The following CFAP61 variants were observed in gnomAD, a reference collection of about 807,000 sequenced individuals.
CFAP61 encodes the protein cilia and flagella associated protein 61, also known as cilia- and flagella-associated protein 61.
In CFAP61, 107 loss-of-function variants were observed where a neutral mutation model predicts 135.6. The ratio of observed to expected loss-of-function variants is 0.79; its 90% CI spans 0.67 to 0.93. CFAP61 has a LOEUF of 0.93. Among genes scored for constraint, CFAP61 ranks in the 40% least tolerant of loss-of-function variants. CFAP61 has a pLI of 0.00. For missense variants in CFAP61, 1,507 were observed against 1,556.2 expected (o/e 0.97, Z 0.53); for synonymous variants, 575 against 578.5 (o/e 0.99, Z 0.09).
At chr20:20,103,979 GT>G (rs1185095601) in intron 8 of CFAP61, among the ~76,000 whole-genome samples, 1 of 152,194 alleles carries the variant, frequency 6.6e-6, no homozygotes, top group African/African-American at 2.4e-5. Flanking sequence ...ATGAATCTCT[GT>G]TTTAAAAGAC....
Position 20,087,806 on chromosome 20 carries a change from C to T in CFAP61, c.567-3038C>T, listed in dbSNP as rs539862944. 7.2e-5 allele frequency among the ~76,000 whole-genome samples: 11 copies of T among 152,140 alleles called. No individual in the cohort carries two copies. In the South Asian group the frequency reaches 2.3e-3, roughly 32 times the overall value. On this transcript the variant is annotated intron_variant, in intron 6 of 26. Coordinates refer to ENST00000245957, the MANE Select transcript of CFAP61 (RefSeq NM_015585.4). Reference sequence around the variant, plus strand: ...ACCCAAGGTCACAGCTGGGCAGAAGCAGGATCCAGACCCAGGCAGCCTGGC... The same window carrying T: ...ACCCAAGGTCACAGCTGGGCAGAAGTAGGATCCAGACCCAGGCAGCCTGGC...
chr20:20,170,858 A>G (rs1321706095), intron 13 of CFAP61, among the ~76,000 whole-genome samples: 1 of 152,244 alleles, frequency 6.6e-6, no homozygotes, highest in Non-Finnish European at 1.5e-5. Context: ...TCAAACAATA[A>G]TAGTACAAGT....
chr20:20,235,427 G>T (rs182754372), intron 18 of CFAP61, among the ~76,000 whole-genome samples: 36 of 152,114 alleles, frequency 2.4e-4, no homozygotes, highest in African/African-American at 8.4e-4. Flanking sequence ...AACACTCTGG[G>T]AATCAGGCCC....
At chr20:20,107,381 A>C (rs2048484863) in intron 8 of CFAP61, among the ~76,000 whole-genome samples, 1 of 152,168 alleles carries the variant, frequency 6.6e-6, no homozygotes, top group African/African-American at 2.4e-5. Context: ...CACTCAGTAG[A>C]AGACCTGGTA....
chr20:20,152,465 G>C (rs1261993436), intron 9 of CFAP61, among the ~76,000 whole-genome samples: 1 of 152,212 alleles, frequency 6.6e-6, no homozygotes, highest in Non-Finnish European at 1.5e-5. Context: ...AGTATCTGCT[G>C]TCTTGAAGAG....
chr20:20,215,532 C>T (rs2047989066), intron 17 of CFAP61, among the ~76,000 whole-genome samples: 1 of 152,174 alleles, frequency 6.6e-6, no homozygotes, highest in African/African-American at 2.4e-5. Context: ...ACAAACATGG[C>T]TGGGATACTC....
chr20:20,351,513 C>T (rs975623604), intron 26 of CFAP61, among the ~76,000 whole-genome samples: 10 of 149,174 alleles, frequency 6.7e-5, no homozygotes, highest in Admixed American at 1.4e-4. Flanking sequence ...ACCCAGGAGG[C>T]GGAGATTGCA....
intron 8 of CFAP61, among the ~76,000 whole-genome samples, chr20:20,136,820 G>T (rs941873589): frequency 6.6e-6 from 1 of 152,194 alleles, no homozygotes; most frequent in Non-Finnish European, 1.5e-5. Context: ...CAGTGTCTGG[G>T]CACTGAAGAG....
At chr20:20,163,471 A>G (rs1769647241) in intron 10 of CFAP61, among the ~76,000 whole-genome samples, 1 of 152,134 alleles carries the variant, frequency 6.6e-6, no homozygotes, top group Non-Finnish European at 1.5e-5. Context: ...TATAATATGT[A>G]TATAATACTA....
intron 14 of CFAP61, 72 bp from the exon 15 acceptor site, chr20:20,191,262 TAAGACCCA>T: frequency 8.4e-7 from 1 of 1,183,606 alleles, no homozygotes; most frequent in Non-Finnish European, 1.3e-6. Context: ...TGAACGTGGT[TAAGACCCA>T]CTGTTGCCTG....
At chr20:20,209,886 G>A (rs2047510564) in intron 17 of CFAP61, among the ~76,000 whole-genome samples, 1 of 152,076 alleles carries the variant, frequency 6.6e-6, no homozygotes, top group South Asian at 2.1e-4. Context: ...CAGAACATCA[G>A]CTTTTGTCCT....
intron 15 of CFAP61, among the ~76,000 whole-genome samples, chr20:20,195,362 A>C (rs1300474895): frequency 6.6e-6 from 1 of 152,240 alleles, no homozygotes; most frequent in Non-Finnish European, 1.5e-5. Flanking sequence ...AACAAGGAGA[A>C]ATATAAGTTG....
intron 19 of CFAP61, among the ~76,000 whole-genome samples, chr20:20,250,876 A>G (rs908402493): frequency 2.0e-4 from 30 of 152,188 alleles, no homozygotes; most frequent in African/African-American, 6.3e-4. Context: ...AGCCCAGAAA[A>G]TGGAAGCCAG....
chr20:20,320,097 T>G (rs2057364844), intron 25 of CFAP61, among the ~76,000 whole-genome samples: 1 of 151,394 alleles, frequency 6.6e-6, no homozygotes, highest in South Asian at 2.1e-4. Flanking sequence ...CCTGATTCCC[T>G]CAACAAATAA....
rs2049144198 is a variant in CFAP61, at chr20:20,116,407, T to G, written c.859+17593T>G. Among the ~76,000 whole-genome samples, 2 of 152,186 alleles carry G rather than the reference T, an allele frequency of 1.3e-5. 1 individual carries two copies. The highest frequency in any genetic ancestry group is 4.1e-4 in the South Asian group (2 of 4,828). The stretch of plus-strand genomic sequence containing the variant: ...CTTTTCACTTTGTTGATTGTCTCCT[T>G]TGCCGCGCAGAAACTTTTTAACTCG... On this transcript the variant is annotated intron_variant, in intron 8 of 26. Transcript: ENST00000245957.
intron 8 of CFAP61, among the ~76,000 whole-genome samples, chr20:20,111,316 A>T (rs1249668940): frequency 6.6e-6 from 1 of 152,202 alleles, no homozygotes; most frequent in Non-Finnish European, 1.5e-5. Flanking sequence ...AGTCAGGCCA[A>T]GAACTTGCTA....
intron 18 of CFAP61, among the ~76,000 whole-genome samples, chr20:20,234,532 A>C (rs2049425529): frequency 6.6e-6 from 1 of 152,230 alleles, no homozygotes; most frequent in African/African-American, 2.4e-5. Context: ...TACTATCAGA[A>C]AGTTTTGCTG....
At chr20:20,296,276 T>C (rs1489343006) in intron 24 of CFAP61, among the ~76,000 whole-genome samples, 3 of 54,322 alleles carry the variant, frequency 5.5e-5, no homozygotes, top group African/African-American at 1.5e-4. Context: ...CCCTCCCCCT[T>C]CCCTCATCCC....
chr20:20,158,809 A>T (rs1250187346), intron 9 of CFAP61, among the ~76,000 whole-genome samples: 1 of 152,148 alleles, frequency 6.6e-6, no homozygotes, highest in Non-Finnish European at 1.5e-5. Flanking sequence ...CATGTTCATT[A>T]TCTTGATCAC....
Sources: allele counts gnomAD v4.1 joint callset (sites outside exome capture counted in the v4.1 genomes callset), GRCh38; gene constraint gnomAD v4.1.1; transcripts MANE v1.5; gene names NCBI Gene and HGNC (gene_info 2026-07-23, HGNC 2026-07-21).